Variants in SYNE2 observed in about 807,000 individuals in gnomAD.
SYNE2 encodes spectrin repeat containing nuclear envelope protein 2.
A neutral mutation model predicts 856.3 loss-of-function variants in SYNE2; 431 were observed. That is an observed-to-expected ratio of 0.50 (90% CI 0.47 to 0.55). The LOEUF is 0.55. Ranked by LOEUF, SYNE2 falls within the 20% of genes least tolerant of loss-of-function variation. SYNE2 has a pLI of 0.00. For synonymous variants in SYNE2, 2,923 were observed against 2,872.3 expected, an observed-to-expected ratio of 1.02 and a Z score of -0.56; for missense variants, 8,129 against 8,023.2, an observed-to-expected ratio of 1.01 and a Z score of -0.50.
At chr14:63,772,289 G>A (rs1289907304) in intron 1 of SYNE2, among the ~76,000 whole-genome samples, 1 of 152,120 alleles carries the variant, frequency 6.6e-6, no homozygotes, top group Admixed American at 6.6e-5. Context: ...AGGAGGTTGA[G>A]GCTGCAGTGA....
intron 2 of SYNE2, among the ~76,000 whole-genome samples, chr14:63,918,791 G>A (rs530117295): frequency 5.3e-5 from 8 of 152,270 alleles, no homozygotes; most frequent in South Asian, 2.1e-4. Context: ...CAGTGGTGTC[G>A]TGTTATAAGG....
intron 27 of SYNE2, among the ~76,000 whole-genome samples, chr14:63,999,757 G>A (rs76680332): frequency 2.0e-5 from 3 of 152,178 alleles, no homozygotes; most frequent in Non-Finnish European, 2.9e-5. Flanking sequence ...CAGATGGAGG[G>A]CCATAGGTAG....
chr14:63,883,469 T>G (rs765009875), intron 1 of SYNE2, among the ~76,000 whole-genome samples: 5 of 152,154 alleles, frequency 3.3e-5, no homozygotes, highest in Non-Finnish European at 7.4e-5. Flanking sequence ...TGATCCTACC[T>G]CAGCCTCCCA....
intron 96 of SYNE2, among the ~76,000 whole-genome samples, chr14:64,185,629 T>C (rs2098485620): frequency 6.7e-6 from 1 of 149,506 alleles, no homozygotes. Flanking sequence ...CAAGCAATTC[T>C]CCTGCCTCAG....
chr14:64,052,479 C>A lies in SYNE2; in HGVS notation c.8566C>A (p.Leu2856Met). Reference protein sequence around the residue: ...FQLMVQESETLIIPRVETAAT... With the variant: ...FQLMVQESETMIIPRVETAAT... Reference sequence around the variant, plus strand: ...ACTTATGGTTCAAGAAAGTGAAACACTGATAATTCCCAGGGTGGAGACAGC... The same window carrying A: ...ACTTATGGTTCAAGAAAGTGAAACAATGATAATTCCCAGGGTGGAGACAGC... Residue 2856 changes from leucine (L) to methionine (M), a missense_variant, in exon 48 of 116, where the codon CTG becomes ATG. This residue lies in a region of SYNE2 where 5,410 missense variants were observed against 5,284.8 expected (regional missense o/e 1.02). Coordinates refer to ENST00000555002, the MANE Select transcript of SYNE2 (RefSeq NM_182914.3). The A allele has an allele frequency of 1.9e-6, 3 of 1,613,680 alleles. No homozygotes were observed. Among genetic ancestry groups the A allele is most frequent in the Non-Finnish European group, 2.5e-6 (3 of 1,179,754 alleles).
chr14:64,187,775 T>A (rs2098499577), intron 97 of SYNE2, among the ~76,000 whole-genome samples: 1 of 152,224 alleles, frequency 6.6e-6, no homozygotes, highest in South Asian at 2.1e-4. Flanking sequence ...ACGCTAAGAT[T>A]CTGAAGATTC....
intron 6 of SYNE2, among the ~76,000 whole-genome samples, 189 bp from the exon 7 acceptor site, chr14:63,949,636 C>T (rs967343441): frequency 1.3e-5 from 2 of 152,136 alleles, no homozygotes; most frequent in Non-Finnish European, 2.9e-5. Context: ...CAAGTCATTC[C>T]TTAGGAAGCA....
At chr14:64,051,020 CAAA>C (rs202017735) in intron 47 of SYNE2, among the ~76,000 whole-genome samples, 4 of 104,510 alleles carry the variant, frequency 3.8e-5, no homozygotes, top group South Asian at 3.1e-4. Context: ...GACTCTGCCT[CAAA>C]AAAAAAAAAA....
intron 77 of SYNE2, among the ~76,000 whole-genome samples, chr14:64,133,066 C>T (rs748455784): frequency 4.0e-5 from 6 of 151,738 alleles, no homozygotes; most frequent in Non-Finnish European, 7.4e-5. Context: ...ATTAGCTGGG[C>T]GTGGTGGTGG....
Position 64,174,949 on chromosome 14 carries a change from A to G in SYNE2, c.17241A>G (p.Lys5747=). ...ACTTCTCTTTTTTTTCTTAGAATAA[A>G]GAAATTCATTTTCAAAGGAGGCGAA... ...TRSLIHELKN[K]EIHFQRRRTT... Residue 5747 remains lysine (K), a synonymous_variant, in exon 95 of 116, where the codon AAA becomes AAG. Transcript: ENST00000555002. 5 of 1,614,074 alleles carry G rather than the reference A, an allele frequency of 3.1e-6. No individual in the cohort carries two copies. Among genetic ancestry groups the G allele is most frequent in the Non-Finnish European group, 4.2e-6 (5 of 1,179,946 alleles).
intron 45 of SYNE2, among the ~76,000 whole-genome samples, chr14:64,038,095 G>A (rs1404568776): frequency 7.2e-5 from 11 of 152,022 alleles, no homozygotes; most frequent in East Asian, 3.9e-4. Flanking sequence ...CGGGGCGGCC[G>A]GGCAGAGATG....
At chr14:63,972,533 C>T (rs1186252832) in intron 11 of SYNE2, among the ~76,000 whole-genome samples, 3 of 152,108 alleles carry the variant, frequency 2.0e-5, no homozygotes, top group Non-Finnish European at 2.9e-5. Flanking sequence ...AGTTTGAGAA[C>T]AGAGATTTCT....
chr14:64,158,579 C>A, intron 85 of SYNE2, 46 bp from the exon 86 acceptor site: 1 of 1,601,312 alleles, frequency 6.2e-7, no homozygotes, highest in Non-Finnish European at 8.6e-7. Flanking sequence ...GAGAGCATGT[C>A]TTCTCAGTGA....
At chr14:64,158,542 A>T (rs761652790) in intron 85 of SYNE2, 83 bp from the exon 86 acceptor site, 25 of 1,482,816 alleles carry the variant, frequency 1.7e-5, no homozygotes, top group Non-Finnish European at 2.3e-5. Flanking sequence ...TGAAATGCCT[A>T]AATTGGACAC....
chr14:64,213,266 AG>A (rs1480561678), intron 105 of SYNE2, among the ~76,000 whole-genome samples: 1 of 152,156 alleles, frequency 6.6e-6, no homozygotes, highest in Non-Finnish European at 1.5e-5. Context: ...AGTATTCCTC[AG>A]GGCTGGGCTT....
rs980645044 is a variant in SYNE2, at chr14:64,186,480, G to A, written c.17613G>A (p.Met5871Ile). 1 of 1,614,260 alleles carries A rather than the reference G, an allele frequency of 6.2e-7. No homozygotes were observed. Among genetic ancestry groups the A allele is most frequent in the African/African-American group, 1.3e-5 (1 of 75,072 alleles). Residue 5871 changes from methionine to isoleucine, a missense_variant, in exon 97 of 116, where the codon ATG becomes ATA. Met to Ile is a conservative substitution (Grantham distance 10). Coordinates refer to ENST00000555002, the MANE Select transcript of SYNE2 (RefSeq NM_182914.3). ...AGAACTTGAAAGAACTTCAAACTAT[G>A]AAGGCGGACTTAACCCGGCACGTTC... ...WTQNLKELQT[M>I]KADLTRHVLV...
intron 45 of SYNE2, among the ~76,000 whole-genome samples, chr14:64,037,788 G>A (rs1365759928): frequency 2.8e-5 from 4 of 140,572 alleles, no homozygotes; most frequent in South Asian, 2.5e-4. Flanking sequence ...CAGTAGGGGC[G>A]GCCGGGCAGA....
intron 52 of SYNE2, among the ~76,000 whole-genome samples, chr14:64,073,010 C>G (rs1177511947): frequency 6.6e-6 from 1 of 152,146 alleles, no homozygotes; most frequent in East Asian, 1.9e-4. Flanking sequence ...CCTGGGGCTT[C>G]CCTGCTCTCT....
chr14:64,152,169 T>G (rs1485302075), intron 84 of SYNE2, among the ~76,000 whole-genome samples: 1 of 152,254 alleles, frequency 6.6e-6, no homozygotes, highest in Non-Finnish European at 1.5e-5. Context: ...ACCTTCTTGC[T>G]CGTGATTTTA....
Sources: gnomAD v4.1 joint callset for allele counts (sites outside exome capture counted in the v4.1 genomes callset) on GRCh38, gnomAD v4.1.1 for gene constraint, gnomAD v4.1.1 regional missense constraint, MANE v1.5 for transcripts, NCBI Gene and HGNC (gene_info 2026-07-23, HGNC 2026-07-21) for gene names.